Variants in THSD4 observed in about 807,000 individuals in gnomAD.
The protein encoded by THSD4 is thrombospondin type 1 domain containing 4, also known as thrombospondin type-1 domain-containing protein 4.
A neutral mutation model predicts 119.0 loss-of-function variants in THSD4; 69 were observed. The observed-to-expected ratio is 0.58, with a 90% CI of 0.48 to 0.71. The LOEUF (loss-of-function observed/expected upper bound fraction) is 0.71, where lower values mean the gene tolerates loss of function less well. Among genes scored for constraint, THSD4 ranks in the 30% least tolerant of loss-of-function variants. The probability of loss-of-function intolerance (pLI) is 0.00; values close to 1 mark genes in which losing one functional copy is unlikely to be tolerated. For missense variants in THSD4, 1,393 were observed against 1,391.1 expected, an observed-to-expected ratio of 1.00 and a Z score of -0.02; for synonymous variants, 524 against 540.4, an observed-to-expected ratio of 0.97 and a Z score of 0.42.
At chr15:71,371,395 A>G (rs2046045248) in intron 6 of THSD4, among the ~76,000 whole-genome samples, 1 of 152,108 alleles carries the variant, frequency 6.6e-6, no homozygotes, top group African/African-American at 2.4e-5. Flanking sequence ...ACATTTTGGC[A>G]TGTTTTTGCA....
At chr15:71,390,538 C>T (rs2046362721) in intron 6 of THSD4, among the ~76,000 whole-genome samples, 1 of 152,290 alleles carries the variant, frequency 6.6e-6, no homozygotes, top group South Asian at 2.1e-4. Flanking sequence ...CCTATGTCTA[C>T]TTTGTCATAT....
chr15:71,270,413 A>G (rs1460425159), intron 6 of THSD4, among the ~76,000 whole-genome samples: 1 of 152,224 alleles, frequency 6.6e-6, no homozygotes, highest in Admixed American at 6.5e-5. Flanking sequence ...GAAAACAGAA[A>G]TTGGACCTCT....
rs79346664 is a variant in THSD4 at position 71,535,249 on chromosome 15, C to T, written c.1152+123426C>T. ...CATTTAACGAATGGTCTTTTGTGAC[C>T]GACTTCCTTCACTTAATATATCTTT... On this transcript the variant is annotated intron_variant, in intron 7 of 17. Transcript: ENST00000261862. 2.2e-3 allele frequency among the ~76,000 whole-genome samples: 339 copies of T among 152,192 alleles called. 4 individuals are homozygous for T. Among genetic ancestry groups the T allele is most frequent in the East Asian group, 0.017 (87 of 5,166 alleles).
At chr15:71,370,591 T>G (rs2046030726) in intron 6 of THSD4, among the ~76,000 whole-genome samples, 1 of 152,216 alleles carries the variant, frequency 6.6e-6, no homozygotes, top group Non-Finnish European at 1.5e-5. Context: ...GTTGAGCGGT[T>G]TTGAGTGAGT....
chr15:71,231,511 A>G (rs937085945), intron 4 of THSD4, among the ~76,000 whole-genome samples: 2 of 152,132 alleles, frequency 1.3e-5, no homozygotes, highest in African/African-American at 4.8e-5. Context: ...AGAGCTCCTG[A>G]ATCCATCTGT....
chr15:71,372,938 C>G (rs889549783), intron 6 of THSD4, among the ~76,000 whole-genome samples: 4 of 152,264 alleles, frequency 2.6e-5, no homozygotes, highest in African/African-American at 9.6e-5. Flanking sequence ...GTTCCAGCTT[C>G]CTGGCTGCTT....
chr15:71,595,578 C>A (rs1401990229), intron 7 of THSD4, among the ~76,000 whole-genome samples: 1 of 147,684 alleles, frequency 6.8e-6, no homozygotes, highest in Non-Finnish European at 1.5e-5. Context: ...TTATCAGCAG[C>A]TTTAAAATGA....
chr15:71,437,302 C>G (rs1285586880), intron 7 of THSD4, among the ~76,000 whole-genome samples: 1 of 152,246 alleles, frequency 6.6e-6, no homozygotes, highest in Non-Finnish European at 1.5e-5. Context: ...ACCTCCAACA[C>G]TGGGGATCAC....
intron 7 of THSD4, among the ~76,000 whole-genome samples, chr15:71,476,592 A>G (rs1285211889): frequency 6.6e-6 from 1 of 152,102 alleles, no homozygotes; most frequent in Non-Finnish European, 1.5e-5. Flanking sequence ...CCTTCAGACA[A>G]TTTCCAGTGT....
intron 7 of THSD4, among the ~76,000 whole-genome samples, chr15:71,622,634 C>T (rs899564012): frequency 2.0e-5 from 3 of 151,886 alleles, no homozygotes; most frequent in African/African-American, 7.3e-5. Flanking sequence ...TTTTTATTAC[C>T]CTCTTTTTGT....
Position 71,242,632 on chromosome 15 carries a change from T to G in THSD4, c.465-17T>G, listed in dbSNP as rs1310639485. ...ATCCGACTCTGATCATCTCCTCTCT[T>G]GTCTATCTCTCTTTAGGAGCAGGAC... On this transcript the variant is annotated splice_polypyrimidine_tract_variant and intron_variant, in intron 4 of 17. Coordinates refer to ENST00000261862, the MANE Select transcript of THSD4 (RefSeq NM_024817.3). 6.2e-7 allele frequency: 1 copy of G among 1,607,304 alleles called. No homozygotes were observed. The highest frequency in any genetic ancestry group is 1.3e-5 in the African/African-American group (1 of 74,746).
At chr15:71,576,900 T>C (rs1044873948) in intron 7 of THSD4, among the ~76,000 whole-genome samples, 7 of 152,220 alleles carry the variant, frequency 4.6e-5, no homozygotes, top group African/African-American at 1.4e-4. Flanking sequence ...TTCTGTTTCC[T>C]GGTTTCTTCC....
intron 2 of THSD4, among the ~76,000 whole-genome samples, chr15:71,153,982 T>C (rs951224147): frequency 5.3e-5 from 8 of 152,308 alleles, no homozygotes; most frequent in South Asian, 2.1e-4. Context: ...GTGAAAGATC[T>C]AGGTTTTCCT....
intron 7 of THSD4, among the ~76,000 whole-genome samples, chr15:71,503,227 G>A (rs1177654044): frequency 6.6e-6 from 1 of 152,166 alleles, no homozygotes; most frequent in African/African-American, 2.4e-5. Context: ...CAAAGACATT[G>A]GGAATGATCC....
At chr15:71,487,673 ATGT>A (rs2047843794) in intron 7 of THSD4, among the ~76,000 whole-genome samples, 1 of 152,216 alleles carries the variant, frequency 6.6e-6, no homozygotes, top group Admixed American at 6.5e-5. Context: ...TAATTCAAGA[ATGT>A]TGTTCAAATG....
At chr15:71,691,674 A>G (rs1431592033) in intron 8 of THSD4, among the ~76,000 whole-genome samples, 1 of 152,258 alleles carries the variant, frequency 6.6e-6, no homozygotes, top group Non-Finnish European at 1.5e-5. Flanking sequence ...GGTCTCTTTT[A>G]GTAATGATGA....
chr15:71,567,294 G>A (rs1358704354), intron 7 of THSD4, among the ~76,000 whole-genome samples: 11 of 152,068 alleles, frequency 7.2e-5, no homozygotes. Flanking sequence ...GAGTGCCAGT[G>A]GTTCCTTTGG....
At chr15:71,100,759 C>T (rs2040250874) in intron 1 of THSD4, among the ~76,000 whole-genome samples, 1 of 152,088 alleles carries the variant, frequency 6.6e-6, no homozygotes, top group African/African-American at 2.4e-5. Flanking sequence ...GTAGATGGAT[C>T]ACTTGAGCCC....
Position 71,530,849 on chromosome 15 carries a change from C to T in THSD4, c.1152+119026C>T, listed in dbSNP as rs1186604906. Among the ~76,000 whole-genome samples, 2 of 148,586 alleles carry T rather than the reference C, an allele frequency of 1.3e-5. 1 individual carries two copies. Among genetic ancestry groups the T allele is most frequent in the African/African-American group, 5.0e-5 (2 of 40,162 alleles). ...CTGCCTTCAGGAATCTTACTGTCTA[C>T]TTGAAGAGATTATTACATGAGAAAT... is the stretch of plus-strand genomic sequence containing the variant. On this transcript the variant is annotated intron_variant, in intron 7 of 17. Transcript: ENST00000261862.
Sources: gnomAD v4.1 joint callset for allele counts (sites outside exome capture counted in the v4.1 genomes callset) on GRCh38, gnomAD v4.1.1 for gene constraint, MANE v1.5 for transcripts, NCBI Gene and HGNC (gene_info 2026-07-23, HGNC 2026-07-21) for gene names.